The following SHKBP1 variants were observed in gnomAD, a reference collection of about 807,000 sequenced individuals.
SHKBP1 encodes the protein SH3KBP1 binding protein 1.
A neutral mutation model predicts 83.9 loss-of-function variants in SHKBP1; 71 were observed. The observed-to-expected ratio is 0.85, with a 90% CI of 0.70 to 1.03. SHKBP1 has a LOEUF of 1.03. SHKBP1 is among the 50% of genes least tolerant of loss of function. The pLI is 0.00. For synonymous variants in SHKBP1, 371 were observed against 398.0 expected (o/e 0.93, Z 0.81); for missense variants, 824 against 982.4 (o/e 0.84, Z 2.16).
In SHKBP1 at chr19:40,590,512, G is replaced by T. The variant is rs150794571; in HGVS notation, c.1768+90G>T. 3 of 1,456,506 alleles carry T rather than the reference G, an allele frequency of 2.1e-6. No individual in the cohort carries two copies. In the African/African-American group the frequency reaches 4.2e-5, roughly 21 times the overall value. The allele number at this position is 1,456,506 out of a possible 1,614,324, so 90.2% of individuals were successfully genotyped here. ...TGCCAACTGCTTGATCTCTCTCCCA[G>T]GCCCTTGCCCTCTGACCCCTTTTCC... On this transcript the variant is annotated intron_variant, in intron 16 of 17. Coordinates refer to ENST00000291842, the MANE Select transcript of SHKBP1 (RefSeq NM_138392.4). This position sits in a 1 kb window ranked among gnomAD's most constrained non-coding sequence, Gnocchi z 4.6.
chr19:40,577,834 G>A, intron 4 of SHKBP1: 1 of 672,380 alleles, frequency 1.5e-6, no homozygotes, highest in Non-Finnish European at 2.6e-6. Flanking sequence ...TTGAGCCCAG[G>A]ATTTGGAGAC....
chr19:40,584,549 C>T (rs1278796647), intron 12 of SHKBP1, among the ~76,000 whole-genome samples: 2 of 152,206 alleles, frequency 1.3e-5, no homozygotes, highest in African/African-American at 2.4e-5. Flanking sequence ...TCATCACCCC[C>T]GTAAGAAACC....
intron 11 of SHKBP1, 50 bp downstream of exon 11, chr19:40,583,535 G>A (rs1268298996): frequency 1.2e-6 from 2 of 1,611,004 alleles, no homozygotes; most frequent in East Asian, 2.2e-5. Flanking sequence ...CCTGGGAGAG[G>A]GGAAGGGAGG....
chr19:40,578,076 T>G (rs554394894), intron 4 of SHKBP1, 78 bp from the exon 5 acceptor site: 1 of 1,200,218 alleles, frequency 8.3e-7, no homozygotes, highest in African/African-American at 1.5e-5. Context: ...CTCTGTGCAG[T>G]TTTGAAAATT....
chr19:40,576,879 C>T lies in SHKBP1; in HGVS notation c.-21C>T. The T allele has an allele frequency of 1.4e-6, 2 of 1,428,330 alleles. No individual in the cohort carries two copies. The highest frequency in any genetic ancestry group is 1.8e-6 in the Non-Finnish European group (2 of 1,082,436). 88.5% of individuals were successfully genotyped at this position (1,428,330 alleles called of 1,614,324 possible). A position where few individuals can be genotyped will look rare whatever the true frequency, so the allele number is the denominator to read the frequency against. On this transcript the variant is annotated 5_prime_UTR_variant, in exon 1 of 18. Coordinates refer to ENST00000291842, the MANE Select transcript of SHKBP1 (RefSeq NM_138392.4). ...TGCACACCCGGAAGTGGGTGCGGGC[C>T]AGCCGGCTCGCCCGGGGGCCATGGC...
At position 40,583,391 on chromosome 19, in the gene SHKBP1, C is replaced by A. The variant is rs2081285540; in HGVS notation, c.961-7C>A. On this transcript the variant is annotated splice_region_variant and splice_polypyrimidine_tract_variant and intron_variant, in intron 10 of 17. Transcript: ENST00000291842. ...CCCGGCTGCAGCCTGTCCTGCCCCA[C>A]CCCCAGGTCCAGGAGGTGCAGCCCA... 1 of 1,567,446 alleles carries A rather than the reference C, an allele frequency of 6.4e-7. No homozygotes were observed. The highest frequency in any genetic ancestry group is 1.4e-5 in the African/African-American group (1 of 73,944).
rs2081240236 is a variant in SHKBP1, at chr19:40,578,463, T to C, written c.321T>C (p.Val107=). The C allele has an allele frequency of 1.2e-6, 2 of 1,614,048 alleles. No individual in the cohort carries two copies. Among genetic ancestry groups the C allele is most frequent in the African/African-American group, 2.7e-5 (2 of 74,922 alleles). Residue 107 remains valine (V), a splice_region_variant and synonymous_variant, in exon 6 of 18, where the codon GTT becomes GTC. Transcript: ENST00000291842. The part of the protein sequence containing the change: ...EAQFYGLTPL[V]RRLQLREELD... ...AGCCTTTAAGTCCTCCTGTTGCAGT[T>C]CGTCGCCTGCAGCTTCGAGAGGAGT...
intron 14 of SHKBP1, 147 bp from the exon 15 acceptor site, chr19:40,588,935 A>AC: frequency 1.6e-6 from 2 of 1,248,326 alleles, no homozygotes; most frequent in South Asian, 1.4e-5. Context: ...GACTGCCACA[A>AC]CCCCCCAGCC....
chr19:40,582,128 G>T (rs1353512242), intron 9 of SHKBP1, among the ~76,000 whole-genome samples: 1 of 151,964 alleles, frequency 6.6e-6, no homozygotes, highest in Non-Finnish European at 1.5e-5. Flanking sequence ...CATCATGTTG[G>T]CCAGGCTGGT....
rs1168497972 is a variant in SHKBP1 at position 40,588,611 on chromosome 19, TTGTGCCCCTCAGTC to T, written c.1337-6_1344del. On this transcript the variant is annotated splice_acceptor_variant and splice_polypyrimidine_tract_variant and coding_sequence_variant and intron_variant, in exon 14 of 18. Coordinates refer to ENST00000291842, the MANE Select transcript of SHKBP1 (RefSeq NM_138392.4). LOFTEE classifies it high-confidence loss of function. ...CACCAGGCCTGACTTCCTGCTCTCC[TTGTGCCCCTCAGTC>T]TGTGCCGACAACAACCACGTGCGGA... 6.2e-7 allele frequency: 1 copy of T among 1,614,120 alleles called. No homozygotes were observed. The highest frequency in any genetic ancestry group is 1.7e-5 in the Admixed American group (1 of 60,012).
At chr19:40,588,460 G>T (rs2081329261) in intron 13 of SHKBP1, among the ~76,000 whole-genome samples, 164 bp from the exon 14 acceptor site, 1 of 152,184 alleles carries the variant, frequency 6.6e-6, no homozygotes, top group Non-Finnish European at 1.5e-5. Flanking sequence ...AGAGGCAACA[G>T]GGTTTTTAAC....
At chr19:40,581,021 C>A in intron 9 of SHKBP1, 85 bp downstream of exon 9, 1 of 1,319,856 alleles carries the variant, frequency 7.6e-7, no homozygotes, top group Non-Finnish European at 1.0e-6. Context: ...AATCCTCAAA[C>A]CCATAAGAAT....
At chr19:40,585,553 C>CT (rs376570504) in intron 12 of SHKBP1, 9 of 71,780 alleles carry the variant, frequency 1.3e-4, no homozygotes, top group African/African-American at 4.8e-4. Context: ...TTTTTTTTGT[C>CT]TTTTCCTGAG....
Position 40,576,884 on chromosome 19 carries a change from G to A in SHKBP1, c.-16G>A, listed in dbSNP as rs768263129. 2.3e-5 allele frequency: 33 copies of A among 1,440,862 alleles called. No individual in the cohort carries two copies. In the South Asian group the frequency reaches 4.0e-4, roughly 18 times the overall value. The allele number at this position is 1,440,862 out of a possible 1,614,324, so 89.3% of individuals were successfully genotyped here. On this transcript the variant is annotated 5_prime_UTR_variant, in exon 1 of 18. Coordinates refer to ENST00000291842, the MANE Select transcript of SHKBP1 (RefSeq NM_138392.4). ...ACCCGGAAGTGGGTGCGGGCCAGCCGGCTCGCCCGGGGGCCATGGCAGCAG... is the reference window on the plus strand; with the variant it reads ...ACCCGGAAGTGGGTGCGGGCCAGCCAGCTCGCCCGGGGGCCATGGCAGCAG...
rs140235532 is a variant in SHKBP1, at chr19:40,587,340, A to G, written c.1336+396A>G. Among the ~76,000 whole-genome samples the G allele has an allele frequency of 6.1e-3, 935 of 152,336 alleles. 14 individuals carry two copies. The highest frequency in any genetic ancestry group is 0.021 in the African/African-American group (868 of 41,558). ...TGCGGTGGCTCACACCTATAATCCC[A>G]GAACTTTGGGAGGCCAAGGCGGGTA... On this transcript the variant is annotated intron_variant, in intron 13 of 17. Transcript: ENST00000291842.
rs759811484 is a variant in SHKBP1, at chr19:40,583,473, A to G, written c.1036A>G (p.Ile346Val). Residue 346 changes from isoleucine (I) to valine (V), a missense_variant, in exon 11 of 18, where the codon ATT (isoleucine) becomes GTT (valine). Physicochemically the swap from Ile to Val is conservative, Grantham distance 29 (BLOSUM62 3). Transcript: ENST00000291842. ...FLLLGCNNGS[I>V]YYVDVQKFPL... ...CCTCCTGGGCTGCAACAACGGCTCC[A>G]TTTACTACGTGGGTGAGCAGCAGCC... is the stretch of plus-strand genomic sequence containing the variant. The G allele has an allele frequency of 6.8e-6, 11 of 1,611,588 alleles. No homozygotes were observed. The African/African-American group carries it at 1.2e-4, about 18-fold the overall frequency.
At chr19:40,578,671 A>T in intron 6 of SHKBP1, 129 bp downstream of exon 6, 3 of 788,362 alleles carry the variant, frequency 3.8e-6, no homozygotes, top group Middle Eastern at 3.6e-4. Context: ...TCCCTATCAG[A>T]TGCTTGGGCT....
intron 9 of SHKBP1, among the ~76,000 whole-genome samples, chr19:40,582,005 C>T (rs959707895): frequency 6.6e-6 from 1 of 151,666 alleles, no homozygotes; most frequent in Admixed American, 6.6e-5. Flanking sequence ...ACTGCAACCT[C>T]TGCCTCCTGG....
intron 13 of SHKBP1, among the ~76,000 whole-genome samples, chr19:40,587,816 A>G (rs1229099234): frequency 2.0e-5 from 3 of 152,094 alleles, no homozygotes; most frequent in African/African-American, 7.2e-5. Flanking sequence ...AGGTGGAGGG[A>G]TCACTTGAGC....
Sources: allele counts gnomAD v4.1 joint callset (sites outside exome capture counted in the v4.1 genomes callset), GRCh38; gene constraint gnomAD v4.1.1; non-coding constraint Gnocchi (gnomAD v3.1); transcripts MANE v1.5; gene names NCBI Gene and HGNC (gene_info 2026-07-23, HGNC 2026-07-21).